Variants in CTNND2 observed in about 807,000 individuals in gnomAD.
CTNND2 encodes the protein catenin delta-2.
A neutral mutation model predicts 144.4 loss-of-function variants in CTNND2; 22 were observed. The observed-to-expected ratio is 0.15, with a 90% CI of 0.11 to 0.22. The LOEUF is 0.22. Among genes scored for constraint, CTNND2 ranks in the 10% least tolerant of loss-of-function variants. The pLI is 1.00. For synonymous variants in CTNND2, 751 were observed against 695.6 expected, an observed-to-expected ratio of 1.08 and a Z score of -1.25; for missense variants, 1,353 against 1,618.8, an observed-to-expected ratio of 0.84 and a Z score of 2.82.
At position 11,894,617 on chromosome 5, in the gene CTNND2, C is replaced by T. The variant is rs1420857948; in HGVS notation, c.37+9200G>A. 2.0e-5 allele frequency among the ~76,000 whole-genome samples: 3 copies of T among 152,172 alleles called. No individual in the cohort carries two copies. In the South Asian group the frequency reaches 6.2e-4, roughly 31 times the overall value. On this transcript the variant is annotated intron_variant, in intron 1 of 21. Coordinates refer to ENST00000304623, the MANE Select transcript of CTNND2 (RefSeq NM_001332.4). ...AAAGTTCCAGAGAATATATTTTATA[C>T]TTAAATGTTTATTATGATTAAGCTT...
intron 2 of CTNND2, among the ~76,000 whole-genome samples, chr5:11,583,242 G>A (rs915494021): frequency 1.3e-5 from 2 of 152,194 alleles, no homozygotes; most frequent in African/African-American, 4.8e-5. Flanking sequence ...CCATCATCCT[G>A]AGCTCCATGC....
chr5:11,592,136 C>T (rs985000556), intron 2 of CTNND2, among the ~76,000 whole-genome samples: 1 of 111,544 alleles, frequency 9.0e-6, no homozygotes, highest in Non-Finnish European at 1.8e-5. Context: ...TCTTTCCTGC[C>T]TTCCTGCCTT....
intron 2 of CTNND2, among the ~76,000 whole-genome samples, chr5:11,587,532 A>C (rs1396900450): frequency 3.9e-5 from 6 of 152,030 alleles, no homozygotes; most frequent in Non-Finnish European, 1.5e-5. Context: ...TGTTTCTGAT[A>C]AAATTAAATC....
chr5:11,130,670 G>A (rs1481348890), intron 12 of CTNND2, among the ~76,000 whole-genome samples: 1 of 152,162 alleles, frequency 6.6e-6, no homozygotes, highest in East Asian at 1.9e-4. Flanking sequence ...AAACACTCAC[G>A]TGCCGCTCAC....
chr5:11,060,855 A>T (rs1032135745), intron 16 of CTNND2, among the ~76,000 whole-genome samples: 6 of 152,258 alleles, frequency 3.9e-5, no homozygotes, highest in African/African-American at 1.2e-4. Flanking sequence ...TAATGAGCCA[A>T]GAAATGCTTA....
At chr5:11,752,327 G>A (rs1189691375) in intron 1 of CTNND2, among the ~76,000 whole-genome samples, 1 of 151,644 alleles carries the variant, frequency 6.6e-6, no homozygotes, top group Non-Finnish European at 1.5e-5. Context: ...GGTTTTTATA[G>A]TCTTAGGTTT....
intron 20 of CTNND2, 89 bp from the exon 21 acceptor site, chr5:10,981,935 C>G (rs951093160): frequency 3.5e-6 from 4 of 1,138,268 alleles, no homozygotes; most frequent in Non-Finnish European, 5.2e-6. Context: ...CTTGCCCTAA[C>G]AAAGCTTGTT....
intron 7 of CTNND2, among the ~76,000 whole-genome samples, chr5:11,368,191 C>T (rs73042259): frequency 0.026 from 4,016 of 152,258 alleles, 176 homozygotes; most frequent in African/African-American, 0.091. Context: ...CTGGGTGCTG[C>T]TCCTATAGGT....
At chr5:11,118,357 A>G (rs1753764978) in intron 12 of CTNND2, among the ~76,000 whole-genome samples, 1 of 152,234 alleles carries the variant, frequency 6.6e-6, no homozygotes, top group African/African-American at 2.4e-5. Flanking sequence ...ACTACAGACA[A>G]CACAACCTGT....
chr5:11,004,736 C>G (rs1361232476), intron 18 of CTNND2, among the ~76,000 whole-genome samples: 2 of 149,102 alleles, frequency 1.3e-5, no homozygotes, highest in African/African-American at 5.0e-5. Context: ...CCATTACACT[C>G]CAGCCTGGGC....
chr5:11,630,871 T>C (rs774558615), intron 2 of CTNND2, among the ~76,000 whole-genome samples: 15 of 152,042 alleles, frequency 9.9e-5, no homozygotes, highest in Non-Finnish European at 2.2e-4. Flanking sequence ...GGAGAATCAC[T>C]TGAACTTGGG....
At chr5:11,390,626 A>C (rs941296799) in intron 6 of CTNND2, among the ~76,000 whole-genome samples, 1 of 152,198 alleles carries the variant, frequency 6.6e-6, no homozygotes, top group African/African-American at 2.4e-5. Context: ...TAGACCTGCC[A>C]AGTTTTCTTA....
At position 11,584,782 on chromosome 5, in the gene CTNND2, T is replaced by A. The variant is rs550619056; in HGVS notation, c.175-19726A>T. On this transcript the variant is annotated intron_variant, in intron 2 of 21. Transcript: ENST00000304623. ...CACCATGCACATGATTAACACTGATTGGTAATTCTTAGGACCCTAAAGATA... is the reference window on the plus strand; with the variant it reads ...CACCATGCACATGATTAACACTGATAGGTAATTCTTAGGACCCTAAAGATA... 6.6e-5 allele frequency among the ~76,000 whole-genome samples: 10 copies of A among 152,296 alleles called. No homozygotes were observed. In the South Asian group the frequency reaches 1.2e-3, roughly 19 times the overall value.
intron 12 of CTNND2, among the ~76,000 whole-genome samples, chr5:11,130,614 C>G (rs553449609): frequency 1.3e-5 from 2 of 152,252 alleles, no homozygotes; most frequent in South Asian, 2.1e-4. Context: ...GTGGCTAAAA[C>G]CATTAACTGT....
At chr5:11,596,465 A>G (rs980848338) in intron 2 of CTNND2, among the ~76,000 whole-genome samples, 2 of 152,222 alleles carry the variant, frequency 1.3e-5, no homozygotes, top group Non-Finnish European at 2.9e-5. Flanking sequence ...TAAGCATTTT[A>G]AGTTCTTCCC....
intron 3 of CTNND2, among the ~76,000 whole-genome samples, chr5:11,454,809 C>G (rs1012667682): frequency 6.6e-6 from 1 of 151,762 alleles, no homozygotes; most frequent in African/African-American, 2.4e-5. Flanking sequence ...ACTATGTTGC[C>G]CAGGCTGGTC....
intron 10 of CTNND2, among the ~76,000 whole-genome samples, chr5:11,200,034 C>T (rs1189786496): frequency 6.6e-6 from 1 of 152,098 alleles, no homozygotes; most frequent in African/African-American, 2.4e-5. Context: ...TAAATTTAAC[C>T]ATTGTCTTAA....
chr5:10,975,790 G>C (rs1736390783), intron 21 of CTNND2, among the ~76,000 whole-genome samples: 1 of 152,322 alleles, frequency 6.6e-6, no homozygotes, highest in East Asian at 1.9e-4. Flanking sequence ...AGGGGACAGG[G>C]ACATCTTCAG....
At chr5:11,774,715 G>A in intron 1 of CTNND2, among the ~76,000 whole-genome samples, 1 of 152,136 alleles carries the variant, frequency 6.6e-6, no homozygotes, top group African/African-American at 2.4e-5. Context: ...GGAGAATACA[G>A]TTTAATTTTG....
Sources: gnomAD v4.1 joint callset for allele counts (sites outside exome capture counted in the v4.1 genomes callset) on GRCh38, gnomAD v4.1.1 for gene constraint, MANE v1.5 for transcripts, NCBI Gene and HGNC (gene_info 2026-07-23, HGNC 2026-07-21) for gene names.